DAP3: variants seen among roughly 807,000 people sequenced by gnomAD.
DAP3 encodes the protein death associated protein 3.
A neutral mutation model predicts 51.9 loss-of-function variants in DAP3; 28 were observed. The observed-to-expected ratio is 0.54, with a 90% CI of 0.40 to 0.74. The LOEUF is 0.74. Ranked by LOEUF, DAP3 falls within the 30% of genes least tolerant of loss-of-function variation. DAP3 has a pLI of 0.00. For missense variants in DAP3, 458 were observed against 483.5 expected (o/e 0.95, Z 0.49); for synonymous variants, 170 against 170.3 (o/e 1.00, Z 0.01).
chr1:155,738,262 A>G lies in DAP3; in HGVS notation c.*20A>G. 2 of 1,613,976 alleles carry G rather than the reference A, an allele frequency of 1.2e-6. No homozygotes were observed. Among genetic ancestry groups the G allele is most frequent in the Non-Finnish European group, 8.5e-7 (1 of 1,179,894 alleles). ...CTCTAAGCCAAGATCACAGCATGTG[A>G]GGAAGACAGTGGACATCTGCTTTAT... On this transcript the variant is annotated 3_prime_UTR_variant, in exon 13 of 13. Transcript: ENST00000368336.
At chr1:155,704,746 G>T (rs535772109) in intron 1 of DAP3, among the ~76,000 whole-genome samples, 1 of 152,320 alleles carries the variant, frequency 6.6e-6, no homozygotes, top group Admixed American at 6.5e-5. Context: ...TTGGGGGGCT[G>T]AGGCGGGAGG....
At chr1:155,726,116 T>A in intron 6 of DAP3, 97 bp downstream of exon 6, 1 of 812,148 alleles carries the variant, frequency 1.2e-6, no homozygotes, top group Non-Finnish European at 1.7e-6. Context: ...TTCTTTTCTT[T>A]TTTTTTTTTT....
At chr1:155,691,098 G>A (rs1234409120) in intron 1 of DAP3, among the ~76,000 whole-genome samples, 2 of 141,508 alleles carry the variant, frequency 1.4e-5, no homozygotes, top group African/African-American at 3.2e-5. Context: ...TAGTAGAGAC[G>A]GGGTTTCACC....
intron 1 of DAP3, chr1:155,708,928 T>TCTC (rs1315317777): frequency 2.0e-5 from 3 of 152,098 alleles, no homozygotes; most frequent in African/African-American, 7.2e-5. Context: ...ACCGTCTCGA[T>TCTC]CTGACCTCGT....
intron 3 of DAP3, among the ~76,000 whole-genome samples, chr1:155,719,220 T>A (rs1657701790): frequency 7.2e-6 from 1 of 139,114 alleles, no homozygotes; most frequent in African/African-American, 2.7e-5. Flanking sequence ...AGCAAGACCC[T>A]AACTCTAAAA....
At chr1:155,733,216 C>T (rs1443990862) in intron 11 of DAP3, among the ~76,000 whole-genome samples, 1 of 152,216 alleles carries the variant, frequency 6.6e-6, no homozygotes, top group African/African-American at 2.4e-5. Flanking sequence ...TGAGTGAGTG[C>T]ATCCTATCAG....
At chr1:155,689,911 A>C (rs1215324386) in intron 1 of DAP3, among the ~76,000 whole-genome samples, 1 of 150,120 alleles carries the variant, frequency 6.7e-6, no homozygotes, top group Non-Finnish European at 1.5e-5. Context: ...ACTCCGTCAC[A>C]CACACACACA....
intron 4 of DAP3, among the ~76,000 whole-genome samples, chr1:155,724,039 A>C (rs75389098): frequency 9.3e-6 from 1 of 107,588 alleles, no homozygotes; most frequent in Non-Finnish European, 1.7e-5. Context: ...ACTCTGTCTC[A>C]AAAAAAAAAA....
chr1:155,705,590 G>T (rs1246775110), intron 1 of DAP3, among the ~76,000 whole-genome samples: 1 of 140,744 alleles, frequency 7.1e-6, no homozygotes, highest in Non-Finnish European at 1.5e-5. Flanking sequence ...GCAATGGAGC[G>T]AGACCCTGTC....
At chr1:155,693,694 G>T (rs934967389) in intron 1 of DAP3, among the ~76,000 whole-genome samples, 6 of 141,938 alleles carry the variant, frequency 4.2e-5, no homozygotes, top group Non-Finnish European at 8.8e-5. Flanking sequence ...GGGAGTGGTG[G>T]CTCACGCCTG....
At chr1:155,688,582 C>T, upstream of DAP3, 1 of 1,536,848 alleles carries the variant, frequency 6.5e-7, no homozygotes. Context: ...CGCTCACCCA[C>T]GGGAACCTCC....
intron 3 of DAP3, among the ~76,000 whole-genome samples, chr1:155,720,603 G>A (rs1469971763): frequency 6.6e-6 from 1 of 150,850 alleles, no homozygotes; most frequent in Non-Finnish European, 1.5e-5. Context: ...AGCCAAGATC[G>A]CGCCATTACA....
chr1:155,688,667 G>C (rs1653113627), upstream of DAP3: 1 of 1,532,758 alleles, frequency 6.5e-7, no homozygotes. Context: ...ACCTTCAGCG[G>C]CGCGAGCCCA....
At chr1:155,689,515 C>T (rs1269106893) in intron 1 of DAP3, 1 of 433,394 alleles carries the variant, frequency 2.3e-6, no homozygotes, top group Non-Finnish European at 4.7e-6. Context: ...CAGTTCTGGA[C>T]TCAGTTTCCC....
intron 1 of DAP3, among the ~76,000 whole-genome samples, chr1:155,705,762 G>A (rs1187469543): frequency 3.3e-5 from 5 of 151,742 alleles, no homozygotes; most frequent in African/African-American, 7.3e-5. Flanking sequence ...ATGCAATGGC[G>A]CAATCTCAGC....
Position 155,725,484 on chromosome 1 carries a change from C to T in DAP3, c.373C>T (p.Leu125Phe). 1 of 1,613,676 alleles carries T rather than the reference C, an allele frequency of 6.2e-7. No individual in the cohort carries two copies. The highest frequency in any genetic ancestry group is 8.5e-7 in the Non-Finnish European group (1 of 1,179,612). ...TTTTGCTTATCCAGCTATACGATAT[C>T]TTCTGTGTATCCTTTCCTGCCTGCG... ...TSFAYPAIRY[L>F]LYGEKGTGKT... The change falls in exon 5 of 13, where the codon CTT (leucine) becomes TTT (phenylalanine). Residue 125 changes from leucine to phenylalanine, a missense_variant. Transcript: ENST00000368336.
upstream of DAP3, chr1:155,688,631 C>A: frequency 1.3e-6 from 2 of 1,534,578 alleles, no homozygotes; most frequent in Non-Finnish European, 1.7e-6. Context: ...CCTGTCAAGC[C>A]GGCTCCAGCG....
chr1:155,700,576 AGCCCCCCGCCCG>A lies in DAP3; in HGVS notation c.-7-9193_-7-9182del, dbSNP rs1242079154. Among the ~76,000 whole-genome samples, 37 of 140,750 alleles carry A rather than the reference AGCCCCCCGCCCG, an allele frequency of 2.6e-4. No homozygotes were observed. The East Asian group carries it at 8.2e-3, about 31-fold the overall frequency. The allele number at this position is 140,750 out of a possible 152,430, so 92.3% of individuals were successfully genotyped here. On this transcript the variant is annotated intron_variant, in intron 1 of 12. Coordinates refer to ENST00000368336, the MANE Select transcript of DAP3 (RefSeq NM_004632.4). ...CCATCCGGGAGGGAGGTGGGGGGTC[AGCCCCCCGCCCG>A]GCCAGCCGCCCCGTCCGGGAGGTGA...
chr1:155,712,533 A>G (rs1285439688), intron 2 of DAP3, among the ~76,000 whole-genome samples: 3 of 143,918 alleles, frequency 2.1e-5, no homozygotes, highest in Middle Eastern at 3.8e-3. Flanking sequence ...AATCGCTTGA[A>G]CCTGGGAGAC....
Sources: gnomAD v4.1 joint callset for allele counts (sites outside exome capture counted in the v4.1 genomes callset) on GRCh38, gnomAD v4.1.1 for gene constraint, MANE v1.5 for transcripts, NCBI Gene and HGNC (gene_info 2026-07-23, HGNC 2026-07-21) for gene names.